PLCH1: variants seen among roughly 807,000 people sequenced by gnomAD.
PLCH1 encodes 1-phosphatidylinositol 4,5-bisphosphate phosphodiesterase eta-1.
In PLCH1, 60 loss-of-function variants were observed where a neutral mutation model predicts 126.7. The ratio of observed to expected loss-of-function variants is 0.47; its 90% CI spans 0.38 to 0.59. PLCH1 has a LOEUF of 0.59. PLCH1 is among the 20% of genes least tolerant of loss of function. The pLI is 0.00. For missense variants in PLCH1, 1,723 were observed against 2,040.0 expected (o/e 0.84, Z 2.99); for synonymous variants, 719 against 734.9 (o/e 0.98, Z 0.35).
intron 8 of PLCH1, among the ~76,000 whole-genome samples, chr3:155,560,543 T>C (rs898357996): frequency 1.3e-5 from 2 of 152,238 alleles, no homozygotes; most frequent in African/African-American, 4.8e-5. Flanking sequence ...GTAGTCATCC[T>C]AATGTTTCTG....
At chr3:155,590,118 G>GAA (rs897074666) in intron 4 of PLCH1, among the ~76,000 whole-genome samples, 1 of 152,178 alleles carries the variant, frequency 6.6e-6, no homozygotes, top group Non-Finnish European at 1.5e-5. Context: ...TTACGCTCTA[G>GAA]ACTGGATGGA....
intron 1 of PLCH1, among the ~76,000 whole-genome samples, chr3:155,733,367 C>G (rs1257867351): frequency 6.6e-6 from 1 of 152,102 alleles, no homozygotes; most frequent in African/African-American, 2.4e-5. Flanking sequence ...AGCATAAAAA[C>G]AGACACAGAG....
chr3:155,682,001 T>A (rs902433721), intron 2 of PLCH1, among the ~76,000 whole-genome samples: 6 of 152,170 alleles, frequency 3.9e-5, no homozygotes, highest in Admixed American at 3.9e-4. Flanking sequence ...CAGCTAGCTG[T>A]CCTGGGCAAT....
chr3:155,663,698 A>T (rs2102897), intron 2 of PLCH1, among the ~76,000 whole-genome samples: 87,513 of 152,008 alleles, frequency 0.58, 27,500 homozygotes, highest in African/African-American at 0.82. Context: ...GTATAATGCA[A>T]GATGCATAAC....
At chr3:155,645,970 G>A (rs568604077) in intron 2 of PLCH1, among the ~76,000 whole-genome samples, 5 of 152,288 alleles carry the variant, frequency 3.3e-5, no homozygotes, top group African/African-American at 9.6e-5. Flanking sequence ...GGGGGGAAAG[G>A]TGCTATACTT....
intron 3 of PLCH1, 122 bp downstream of exon 3, chr3:155,596,109 TC>T: frequency 1.4e-6 from 1 of 728,724 alleles, no homozygotes; most frequent in South Asian, 2.0e-5. Flanking sequence ...ATATCCAAAA[TC>T]AACTATCTCC....
At chr3:155,530,130 A>G (rs1722476874) in intron 10 of PLCH1, among the ~76,000 whole-genome samples, 4 of 152,304 alleles carry the variant, frequency 2.6e-5, no homozygotes, top group South Asian at 2.1e-4. Context: ...TCTCTGCAGC[A>G]TGTGATGCTG....
intron 13 of PLCH1, 81 bp from the exon 14 acceptor site, chr3:155,500,875 A>G: frequency 1.1e-6 from 1 of 888,836 alleles, no homozygotes; most frequent in Middle Eastern, 2.3e-4. Context: ...GCTGGGCTTT[A>G]AAATGCACAT....
chr3:155,490,868 T>A lies in PLCH1; in HGVS notation c.2308A>T (p.Ile770Phe). 6.7e-7 allele frequency: 1 copy of A among 1,502,872 alleles called. No individual in the cohort carries two copies. The highest frequency in any genetic ancestry group is 9.3e-7 in the Non-Finnish European group (1 of 1,079,636). 93.1% of individuals were successfully genotyped at this position (1,502,872 alleles called of 1,614,324 possible). A position where few individuals can be genotyped will look rare whatever the true frequency, so the allele number is the denominator to read the frequency against. ...PDSMFGDRGE[I>F]IDPFVEVEII... The stretch of plus-strand genomic sequence containing the variant: ...TCAACTTCAACAAAAGGGTCAATGA[T>A]CTATTAAGTAAAGAGAAAGTACTAT... Residue 770 changes from isoleucine (I) to phenylalanine (F), a missense_variant and splice_region_variant, in exon 19 of 23, where the codon ATC becomes TTC. Physicochemically the swap from Ile to Phe is conservative, Grantham distance 21 (BLOSUM62 0). Transcript: ENST00000460012.
intron 2 of PLCH1, among the ~76,000 whole-genome samples, chr3:155,673,474 C>T (rs1277812795): frequency 4.0e-5 from 6 of 151,874 alleles, no homozygotes; most frequent in African/African-American, 1.5e-4. Flanking sequence ...CATTTTCCTC[C>T]CTAAAAAAAA....
chr3:155,704,888 A>G (rs1429069904), intron 1 of PLCH1, among the ~76,000 whole-genome samples: 2 of 152,220 alleles, frequency 1.3e-5, no homozygotes, highest in Non-Finnish European at 2.9e-5. Context: ...CTGCTCCTAC[A>G]TAAGACTTGC....
At chr3:155,650,167 T>C (rs951498649) in intron 2 of PLCH1, among the ~76,000 whole-genome samples, 8 of 152,184 alleles carry the variant, frequency 5.3e-5, no homozygotes, top group Admixed American at 5.2e-4. Context: ...TATGCTATTT[T>C]ACTCTCATTA....
intron 2 of PLCH1, among the ~76,000 whole-genome samples, chr3:155,627,586 A>G (rs1391449204): frequency 6.6e-6 from 1 of 151,554 alleles, no homozygotes; most frequent in East Asian, 2.0e-4. Flanking sequence ...GTGAGCCGAG[A>G]TTGTGCCACT....
chr3:155,568,166 T>G lies in PLCH1; in HGVS notation c.865+65A>C. ...TCCTGATTTCTTTTCCTAAAAACTTTTGCTGGAATTTAACTTAACAGGCTG... is the reference window on the plus strand; with the variant it reads ...TCCTGATTTCTTTTCCTAAAAACTTGTGCTGGAATTTAACTTAACAGGCTG... On this transcript the variant is annotated intron_variant, in intron 7 of 22. Coordinates refer to ENST00000460012, the MANE Select transcript of PLCH1 (RefSeq NM_014996.4). 3 of 728,960 alleles carry G rather than the reference T, an allele frequency of 4.1e-6. No homozygotes were observed. The South Asian group carries it at 5.1e-5, about 12-fold the overall frequency. 45.2% of individuals were successfully genotyped at this position (728,960 alleles called of 1,614,324 possible). A position where few individuals can be genotyped will look rare whatever the true frequency, so the allele number is the denominator to read the frequency against.
At chr3:155,578,792 A>G (rs1017776802) in intron 6 of PLCH1, among the ~76,000 whole-genome samples, 1 of 152,182 alleles carries the variant, frequency 6.6e-6, no homozygotes, top group Admixed American at 6.5e-5. Context: ...CATTTGTGGA[A>G]AACAGCAGAA....
At chr3:155,705,171 A>G (rs984349632) in intron 1 of PLCH1, among the ~76,000 whole-genome samples, 2 of 152,242 alleles carry the variant, frequency 1.3e-5, no homozygotes, top group Admixed American at 6.5e-5. Flanking sequence ...AACCACCTAG[A>G]ATTTTGTAAA....
rs898332688 is a variant in PLCH1 at position 155,577,990 on chromosome 3, T to C, written c.771+5482A>G. Among the ~76,000 whole-genome samples the C allele has an allele frequency of 2.6e-5, 4 of 152,334 alleles. No individual in the cohort carries two copies. In the East Asian group the frequency reaches 7.7e-4, roughly 29 times the overall value. ...AAGGCAGGTATCATCTCCCTTTGCA[T>C]GGATCAGGAAACCAAGGCTCAGAAA... On this transcript the variant is annotated intron_variant, in intron 6 of 22. Coordinates refer to ENST00000460012, the MANE Select transcript of PLCH1 (RefSeq NM_014996.4).
chr3:155,638,314 C>A (rs1020200210), intron 2 of PLCH1, among the ~76,000 whole-genome samples: 3 of 152,170 alleles, frequency 2.0e-5, no homozygotes, highest in Non-Finnish European at 2.9e-5. Context: ...GTGATATAAC[C>A]CCTTCAACAG....
intron 2 of PLCH1, among the ~76,000 whole-genome samples, chr3:155,627,768 GAT>G (rs201302111): frequency 0.18 from 24,715 of 140,044 alleles, 2,256 homozygotes; most frequent in African/African-American, 0.3. Flanking sequence ...AGTTATCGGA[GAT>G]TTTTTTTTTT....
Sources: allele counts gnomAD v4.1 joint callset (sites outside exome capture counted in the v4.1 genomes callset), GRCh38; gene constraint gnomAD v4.1.1; transcripts MANE v1.5; gene names NCBI Gene and HGNC (gene_info 2026-07-23, HGNC 2026-07-21).